Variants in PTPRM observed in about 807,000 individuals in gnomAD.
PTPRM encodes protein tyrosine phosphatase receptor type M.
In PTPRM, 47 loss-of-function variants were observed where a neutral mutation model predicts 186.7. The observed-to-expected ratio is 0.25, with a 90% CI of 0.20 to 0.32. The LOEUF (loss-of-function observed/expected upper bound fraction) is 0.32. PTPRM is among the 10% of genes least tolerant of loss of function. The pLI, the probability that PTPRM is intolerant of heterozygous loss-of-function variation, is 1.00. For synonymous variants in PTPRM, 668 were observed against 674.9 expected, an observed-to-expected ratio of 0.99 and a Z score of 0.16; for missense variants, 1,494 against 1,865.0, an observed-to-expected ratio of 0.80 and a Z score of 3.66.
At chr18:8,236,762 G>A (rs1275731928) in intron 14 of PTPRM, among the ~76,000 whole-genome samples, 1 of 152,020 alleles carries the variant, frequency 6.6e-6, no homozygotes, top group East Asian at 1.9e-4. Flanking sequence ...GGGTGGTCTT[G>A]AACCCCTGAG....
At chr18:7,833,973 C>T (rs1020802768) in intron 2 of PTPRM, among the ~76,000 whole-genome samples, 1 of 152,122 alleles carries the variant, frequency 6.6e-6, no homozygotes, top group Non-Finnish European at 1.5e-5. Flanking sequence ...CCTGATTGTT[C>T]TAGCTAGGAC....
chr18:7,701,593 G>A (rs898695735), intron 1 of PTPRM, among the ~76,000 whole-genome samples: 1 of 151,782 alleles, frequency 6.6e-6, no homozygotes, highest in Non-Finnish European at 1.5e-5. Context: ...AGGGAGACTC[G>A]TCTCAAAAAA....
intron 1 of PTPRM, among the ~76,000 whole-genome samples, chr18:7,660,684 C>G (rs906021280): frequency 5.3e-5 from 8 of 152,180 alleles, no homozygotes; most frequent in African/African-American, 1.9e-4. Context: ...AATGGGCTCT[C>G]TTGAGACCAT....
rs1395274866 is a variant in PTPRM at position 7,568,610 on chromosome 18, C to T, written c.73+719C>T. 6.6e-6 allele frequency among the ~76,000 whole-genome samples: 1 copy of T among 152,226 alleles called. No individual in the cohort carries two copies. Among genetic ancestry groups the T allele is most frequent in the Non-Finnish European group, 1.5e-5 (1 of 68,038 alleles). On this transcript the variant is annotated intron_variant, in intron 1 of 32. Coordinates refer to ENST00000580170, the MANE Select transcript of PTPRM (RefSeq NM_001105244.2). This position sits in a 1 kb window ranked among gnomAD's most constrained non-coding sequence, Gnocchi z 5.1. ...GCTCCCCCTCCCCACCCTCGTCCCCCTAGCGGAGCGCCGCGGCCAGCTGCA... is the reference window on the plus strand; with the variant it reads ...GCTCCCCCTCCCCACCCTCGTCCCCTTAGCGGAGCGCCGCGGCCAGCTGCA...
At chr18:8,233,778 G>A (rs954222974) in intron 14 of PTPRM, among the ~76,000 whole-genome samples, 16 of 151,916 alleles carry the variant, frequency 1.1e-4, no homozygotes, top group African/African-American at 3.4e-4. Flanking sequence ...TCATAGTTTT[G>A]CATTTTACAT....
intron 30 of PTPRM, among the ~76,000 whole-genome samples, chr18:8,386,529 G>T (rs1233498033): frequency 2.6e-5 from 4 of 152,170 alleles, no homozygotes; most frequent in Non-Finnish European, 5.9e-5. Context: ...GATTAAAGCT[G>T]TTTTCATGTT....
At chr18:8,380,221 C>T in intron 28 of PTPRM, 75 bp from the exon 29 acceptor site, 1 of 1,502,664 alleles carries the variant, frequency 6.7e-7, no homozygotes, top group Non-Finnish European at 9.2e-7. Context: ...AAGCTTCCTT[C>T]TGCATGAAAT....
chr18:7,628,064 T>C (rs1470283761), intron 1 of PTPRM, among the ~76,000 whole-genome samples: 2 of 152,140 alleles, frequency 1.3e-5, no homozygotes, highest in African/African-American at 2.4e-5. Context: ...ATAAAAAATA[T>C]GTGGTGTGAA....
chr18:7,612,363 C>T (rs545622822), intron 1 of PTPRM, among the ~76,000 whole-genome samples: 32 of 152,212 alleles, frequency 2.1e-4, no homozygotes, highest in Admixed American at 1.5e-3. Context: ...GAAATCTTCA[C>T]GGCCTCATTT....
chr18:7,619,710 C>T (rs755399206), intron 1 of PTPRM, among the ~76,000 whole-genome samples: 5 of 152,180 alleles, frequency 3.3e-5, no homozygotes, highest in Non-Finnish European at 7.3e-5. Flanking sequence ...AACAGGTGGG[C>T]AGCAGGTGTT....
At chr18:8,056,868 T>G (rs962508416) in intron 7 of PTPRM, among the ~76,000 whole-genome samples, 2 of 152,012 alleles carry the variant, frequency 1.3e-5, no homozygotes, top group Non-Finnish European at 2.9e-5. Context: ...ACTTTTAACA[T>G]GCACTAAGGG....
rs185709814 is a variant in PTPRM at position 8,372,370 on chromosome 18, G to A, written c.3171+1364G>A. ...ATTACAGGCGTGAGCCACCGCGCCC[G>A]GCCTCCACTCTATATTCTCACTGCA... On this transcript the variant is annotated intron_variant, in intron 24 of 32. Transcript: ENST00000580170. Among the ~76,000 whole-genome samples the A allele has an allele frequency of 2.1e-5, 3 of 144,746 alleles. No homozygotes were observed. In the Admixed American group the frequency reaches 2.1e-4, roughly 10 times the overall value. The allele number at this position is 144,746 out of a possible 152,430, so 95.0% of individuals were successfully genotyped here.
At chr18:8,257,297 G>A (rs771016693) in intron 19 of PTPRM, among the ~76,000 whole-genome samples, 2 of 152,174 alleles carry the variant, frequency 1.3e-5, no homozygotes, top group African/African-American at 2.4e-5. Flanking sequence ...GTCCCAGGAC[G>A]GGCTGGTCTG....
chr18:7,651,167 C>T (rs1036356461), intron 1 of PTPRM, among the ~76,000 whole-genome samples: 2 of 151,976 alleles, frequency 1.3e-5, no homozygotes, highest in African/African-American at 4.8e-5. Context: ...AGGTGATTCG[C>T]CCGCCTCAGC....
chr18:7,658,217 G>A (rs1362015122), intron 1 of PTPRM, among the ~76,000 whole-genome samples: 1 of 151,412 alleles, frequency 6.6e-6, no homozygotes, highest in Admixed American at 6.6e-5. Flanking sequence ...CTGGGCTCTG[G>A]GGTGACTCAA....
chr18:8,367,573 G>T (rs1299649868), intron 23 of PTPRM, among the ~76,000 whole-genome samples: 7 of 152,270 alleles, frequency 4.6e-5, no homozygotes, highest in Non-Finnish European at 8.8e-5. Flanking sequence ...CAGCCGACGC[G>T]CGGGGGCGCC....
intron 13 of PTPRM, among the ~76,000 whole-genome samples, chr18:8,140,024 C>T (rs909863426): frequency 8.5e-5 from 13 of 152,186 alleles, no homozygotes; most frequent in Admixed American, 8.5e-4. Flanking sequence ...TTTTTTTCCT[C>T]CACATTCAAG....
intron 19 of PTPRM, among the ~76,000 whole-genome samples, chr18:8,267,450 ATCACCTATAAC>A (rs2147578532): frequency 6.6e-6 from 1 of 152,300 alleles, no homozygotes; most frequent in Admixed American, 6.5e-5. Context: ...CATTAAAAAA[ATCACCTATAAC>A]TCACTATCAA....
intron 14 of PTPRM, among the ~76,000 whole-genome samples, chr18:8,145,860 G>T (rs2092871939): frequency 6.6e-6 from 1 of 152,194 alleles, no homozygotes; most frequent in Admixed American, 6.5e-5. Context: ...TAATGGGATT[G>T]TTGGATCAAA....
Sources: allele counts gnomAD v4.1 joint callset (sites outside exome capture counted in the v4.1 genomes callset), GRCh38; gene constraint gnomAD v4.1.1; non-coding constraint Gnocchi (gnomAD v3.1); transcripts MANE v1.5; gene names NCBI Gene and HGNC (gene_info 2026-07-23, HGNC 2026-07-21).